The following INVS variants were observed in gnomAD, a reference collection of about 807,000 sequenced individuals.
The protein encoded by INVS is inversin.
In INVS, 86 loss-of-function variants were observed where a neutral mutation model predicts 108.8. The observed-to-expected ratio is 0.79, with a 90% CI of 0.66 to 0.95. The LOEUF is 0.95. Ranked by LOEUF, INVS falls within the 40% of genes least tolerant of loss-of-function variation. INVS has a pLI of 0.00. For missense variants in INVS, 1,169 were observed against 1,297.4 expected (o/e 0.90, Z 1.52); for synonymous variants, 455 against 473.5 (o/e 0.96, Z 0.51).
intron 2 of INVS, among the ~76,000 whole-genome samples, chr9:100,112,692 A>T (rs1252178345): frequency 6.6e-6 from 1 of 152,204 alleles, no homozygotes; most frequent in Non-Finnish European, 1.5e-5. Flanking sequence ...GCAAAAAAAA[A>T]AATCTCATAA....
intron 14 of INVS, 136 bp downstream of exon 14, chr9:100,293,179 T>C: frequency 1.3e-6 from 1 of 756,216 alleles, no homozygotes; most frequent in South Asian, 1.5e-5. Flanking sequence ...AGCCTACCCA[T>C]GAAATTCACA....
intron 12 of INVS, among the ~76,000 whole-genome samples, chr9:100,277,475 A>G (rs1238341452): frequency 1.3e-5 from 2 of 152,200 alleles, no homozygotes; most frequent in African/African-American, 2.4e-5. Context: ...AGTAAAATGG[A>G]AAGAGGTTTT....
At chr9:100,266,615 C>G (rs1000414067) in intron 11 of INVS, among the ~76,000 whole-genome samples, 1 of 152,132 alleles carries the variant, frequency 6.6e-6, no homozygotes, top group African/African-American at 2.4e-5. Context: ...TCAGCAAGGT[C>G]TTTATGACCT....
chr9:100,171,016 C>T (rs936600818), intron 3 of INVS, among the ~76,000 whole-genome samples: 2 of 152,180 alleles, frequency 1.3e-5, no homozygotes, highest in South Asian at 2.1e-4. Context: ...TGGCTTCCTT[C>T]AATAGATAGC....
chr9:100,229,857 T>G (rs1831451140), intron 5 of INVS, 30 bp downstream of exon 5: 1 of 1,611,242 alleles, frequency 6.2e-7, no homozygotes, highest in Non-Finnish European at 8.5e-7. Context: ...TAGACCTGAA[T>G]GGCCTTGAAA....
At chr9:100,293,133 G>A (rs1833679924) in intron 14 of INVS, 90 bp downstream of exon 14, 4 of 1,307,608 alleles carry the variant, frequency 3.1e-6, no homozygotes, top group Non-Finnish European at 4.4e-6. Context: ...TTCCCAGTGA[G>A]TTCCATGTGG....
chr9:100,237,766 C>T (rs140706850), intron 5 of INVS, among the ~76,000 whole-genome samples: 3 of 152,300 alleles, frequency 2.0e-5, no homozygotes, highest in Admixed American at 2.0e-4. Context: ...GCATTGGTCT[C>T]ACTGGGAGCT....
At chr9:100,190,292 C>G (rs1830181605) in intron 3 of INVS, among the ~76,000 whole-genome samples, 1 of 152,084 alleles carries the variant, frequency 6.6e-6, no homozygotes, top group Non-Finnish European at 1.5e-5. Flanking sequence ...AAGTGAGTCT[C>G]TTGAATACAG....
chr9:100,212,144 A>G (rs547373986), intron 3 of INVS, among the ~76,000 whole-genome samples: 1 of 152,318 alleles, frequency 6.6e-6, no homozygotes, highest in East Asian at 1.9e-4. Context: ...AGACTAAGCA[A>G]CCAGAGTACA....
chr9:100,132,378 C>A (rs899636207), intron 3 of INVS, among the ~76,000 whole-genome samples: 2 of 152,174 alleles, frequency 1.3e-5, no homozygotes, highest in Non-Finnish European at 2.9e-5. Flanking sequence ...CCTGCCCTTA[C>A]AATTTTGCAA....
chr9:100,118,729 C>T (rs367643401), intron 2 of INVS, among the ~76,000 whole-genome samples: 16 of 151,914 alleles, frequency 1.1e-4, no homozygotes, highest in Non-Finnish European at 1.9e-4. Flanking sequence ...GGCATGATCT[C>T]GGCTCACTGC....
intron 12 of INVS, among the ~76,000 whole-genome samples, chr9:100,273,562 G>A (rs564676725): frequency 2.7e-5 from 3 of 112,986 alleles, no homozygotes. Context: ...TTTCTGAGAT[G>A]GAGTCTCACT....
intron 3 of INVS, among the ~76,000 whole-genome samples, chr9:100,154,331 ATTTTTTT>A (rs780090630): frequency 5.5e-4 from 38 of 68,570 alleles, no homozygotes; most frequent in South Asian, 3.1e-3. Context: ...CAACCGACTA[ATTTTTTT>A]TTTTTTTTTT....
intron 6 of INVS, among the ~76,000 whole-genome samples, chr9:100,240,682 T>C (rs1397172396): frequency 6.6e-6 from 1 of 152,138 alleles, no homozygotes; most frequent in Non-Finnish European, 1.5e-5. Flanking sequence ...ATGTTTTATG[T>C]GTATGTTGGG....
intron 3 of INVS, among the ~76,000 whole-genome samples, chr9:100,133,594 C>T (rs1048570287): frequency 3.3e-5 from 5 of 151,948 alleles, no homozygotes; most frequent in African/African-American, 1.2e-4. Context: ...AATTAAAACT[C>T]CAATGAGATA....
In INVS at chr9:100,292,801, G is replaced by A. The variant is rs1833666271; in HGVS notation, c.2544G>A (p.Leu848=). Residue 848 remains leucine (L), a synonymous_variant, in exon 14 of 17, where the codon TTG becomes TTA. Transcript: ENST00000262457. ...TCACAGGAGGGCTCTATTCACATTT[G>A]CCACAGAGCACAGAGGAGTTGAGGT... is the stretch of plus-strand genomic sequence containing the variant. ...AKLTGGLYSH[L]PQSTEELRSG... is the part of the protein sequence containing the mutation. The A allele has an allele frequency of 6.2e-7, 1 of 1,614,018 alleles. No individual in the cohort carries two copies. The highest frequency in any genetic ancestry group is 1.3e-5 in the African/African-American group (1 of 74,902).
At chr9:100,178,561 GAAATA>G (rs1242380666) in intron 3 of INVS, among the ~76,000 whole-genome samples, 2 of 152,134 alleles carry the variant, frequency 1.3e-5, no homozygotes, top group African/African-American at 4.8e-5. Context: ...TCAACTTAAT[GAAATA>G]AAGTGTGAAG....
chr9:100,225,914 A>T, intron 3 of INVS, 148 bp from the exon 4 acceptor site: 1 of 616,450 alleles, frequency 1.6e-6, no homozygotes, highest in Non-Finnish European at 2.8e-6. Context: ...TTGATAGTAT[A>T]GTGGAATTAC....
At chr9:100,175,833 A>G in intron 3 of INVS, 3 of 666,162 alleles carry the variant, frequency 4.5e-6, no homozygotes, top group South Asian at 4.1e-5. Flanking sequence ...CAATCCTGGA[A>G]CAATCAGGCC....
Sources: allele counts gnomAD v4.1 joint callset (sites outside exome capture counted in the v4.1 genomes callset), GRCh38; gene constraint gnomAD v4.1.1; transcripts MANE v1.5; gene names NCBI Gene and HGNC (gene_info 2026-07-23, HGNC 2026-07-21).